The following STIM1 variants were observed in gnomAD, a reference collection of about 807,000 sequenced individuals.
STIM1 encodes stromal interaction molecule 1.
Under a neutral mutation model 74.7 loss-of-function variants are expected in STIM1, and 25 were observed. That is an observed-to-expected ratio of 0.33 (90% CI 0.24 to 0.47). The LOEUF (loss-of-function observed/expected upper bound fraction) is 0.47. STIM1 is among the 20% of genes least tolerant of loss of function. The pLI is 1.00. For missense variants in STIM1, 728 were observed against 920.8 expected (o/e 0.79, Z 2.71); for synonymous variants, 328 against 348.8 (o/e 0.94, Z 0.66).
At chr11:3,870,014 G>C (rs1200323373) in intron 1 of STIM1, among the ~76,000 whole-genome samples, 2 of 152,188 alleles carry the variant, frequency 1.3e-5, no homozygotes, top group African/African-American at 4.8e-5. Context: ...GTCAGAAGGA[G>C]GGTCAGTGCT....
chr11:3,936,930 A>C (rs1305781671), intron 1 of STIM1, among the ~76,000 whole-genome samples: 1 of 152,146 alleles, frequency 6.6e-6, no homozygotes, highest in African/African-American at 2.4e-5. Context: ...TTTTGGAAAA[A>C]TTAAAGTACA....
chr11:4,082,442 C>G (rs2094470258), intron 8 of STIM1, 91 bp downstream of exon 8: 1 of 1,326,704 alleles, frequency 7.5e-7, no homozygotes, highest in East Asian at 2.5e-5. Context: ...TCTCCCTGTT[C>G]CTCCCATTGG....
chr11:3,894,995 C>T (rs1001333314), intron 1 of STIM1, among the ~76,000 whole-genome samples: 7 of 151,850 alleles, frequency 4.6e-5, no homozygotes, highest in Non-Finnish European at 1.0e-4. Context: ...GTGATCCACC[C>T]GCTTCGGCCT....
intron 1 of STIM1, among the ~76,000 whole-genome samples, chr11:3,866,429 CTTTTT>C (rs375183049): frequency 1.5e-5 from 2 of 136,790 alleles, no homozygotes; most frequent in East Asian, 2.1e-4. Context: ...CTTGCTATGT[CTTTTT>C]TTTTTTTTTT....
At chr11:3,999,455 C>T (rs891482360) in intron 2 of STIM1, 3 of 152,188 alleles carry the variant, frequency 2.0e-5, no homozygotes, top group Non-Finnish European at 4.4e-5. Flanking sequence ...GTTAATGTGT[C>T]ATATTGTAAA....
At position 4,092,253 on chromosome 11, in the gene STIM1, T is replaced by G. The variant is rs201342497; in HGVS notation, c.*455T>G. On this transcript the variant is annotated 3_prime_UTR_variant, in exon 13 of 13. Transcript: ENST00000526596. ...GCTTCTGACATGTGTGCCTCAGATCTGTTCCACCCCACTCACAGTGGTTCT... is the reference window on the plus strand; with the variant it reads ...GCTTCTGACATGTGTGCCTCAGATCGGTTCCACCCCACTCACAGTGGTTCT... The G allele has an allele frequency of 3.8e-6, 1 of 263,904 alleles. No homozygotes were observed. Among genetic ancestry groups the G allele is most frequent in the Non-Finnish European group, 7.4e-6 (1 of 134,246 alleles). The allele number at this position is 263,904 out of a possible 1,614,324, so 16.3% of individuals were successfully genotyped here. A position where few individuals can be genotyped will look rare whatever the true frequency, so the allele number is the denominator to read the frequency against.
chr11:3,936,451 A>C lies in STIM1; in HGVS notation c.140-31101A>C, dbSNP rs967220593. On this transcript the variant is annotated intron_variant, in intron 1 of 12. Coordinates refer to ENST00000526596, the MANE Select transcript of STIM1 (RefSeq NM_001382567.1). ...GAGATAGCCATCTCAGTACCCCTAC[A>C]GTTCCAGGACCCAAAGAAGGCAGAA... Among the ~76,000 whole-genome samples the C allele has an allele frequency of 2.0e-5, 3 of 152,340 alleles. No individual in the cohort carries two copies. The East Asian group carries it at 5.8e-4, about 29-fold the overall frequency.
intron 1 of STIM1, among the ~76,000 whole-genome samples, chr11:3,943,568 G>C (rs2093036419): frequency 1.3e-5 from 2 of 152,080 alleles, no homozygotes; most frequent in African/African-American, 4.8e-5. Context: ...CTCAATATAG[G>C]TTTTTCCAAG....
At chr11:4,025,026 T>G (rs993957954) in intron 3 of STIM1, among the ~76,000 whole-genome samples, 2 of 152,144 alleles carry the variant, frequency 1.3e-5, no homozygotes, top group African/African-American at 4.8e-5. Flanking sequence ...TGGTTTTTAT[T>G]TGAGGAACCT....
chr11:4,047,851 C>T (rs902626184), intron 3 of STIM1, among the ~76,000 whole-genome samples: 2 of 147,990 alleles, frequency 1.4e-5, no homozygotes, highest in Non-Finnish European at 3.0e-5. Flanking sequence ...TGGAGTCTCA[C>T]TCTGTCACCC....
intron 2 of STIM1, among the ~76,000 whole-genome samples, chr11:3,975,550 G>A (rs1315056794): frequency 2.0e-5 from 3 of 152,146 alleles, no homozygotes; most frequent in Non-Finnish European, 4.4e-5. Context: ...GCCGGGAGGC[G>A]GAGGTTGCAG....
intron 1 of STIM1, among the ~76,000 whole-genome samples, chr11:3,950,288 C>A (rs962539210): frequency 2.0e-5 from 3 of 152,036 alleles, no homozygotes; most frequent in Non-Finnish European, 2.9e-5. Context: ...CATGCACCAC[C>A]ACGCCTGGCT....
chr11:3,964,006 G>A (rs530519361), intron 1 of STIM1, among the ~76,000 whole-genome samples: 3 of 152,316 alleles, frequency 2.0e-5, no homozygotes, highest in Admixed American at 2.0e-4. Context: ...CCTACACCAG[G>A]CCCTATGCTG....
chr11:3,869,594 C>T (rs868626786), intron 1 of STIM1, among the ~76,000 whole-genome samples: 16 of 152,184 alleles, frequency 1.1e-4, no homozygotes, highest in Non-Finnish European at 1.6e-4. Flanking sequence ...CTTTGGGGGG[C>T]AGTAGTTTAG....
chr11:4,046,371 G>A (rs142940714), intron 3 of STIM1, among the ~76,000 whole-genome samples: 3 of 152,132 alleles, frequency 2.0e-5, no homozygotes, highest in Non-Finnish European at 4.4e-5. Flanking sequence ...TAAGCTTCTA[G>A]TATCTTGTCT....
At chr11:3,919,294 C>G (rs1406418950) in intron 1 of STIM1, among the ~76,000 whole-genome samples, 2 of 152,182 alleles carry the variant, frequency 1.3e-5, no homozygotes, top group Non-Finnish European at 2.9e-5. Flanking sequence ...CAACCTCTGC[C>G]TCCCGGGTTC....
chr11:4,038,358 T>C (rs1170857135), intron 3 of STIM1, among the ~76,000 whole-genome samples: 1 of 152,028 alleles, frequency 6.6e-6, no homozygotes, highest in Non-Finnish European at 1.5e-5. Context: ...TATTATAACA[T>C]GTCACATGTA....
intron 12 of STIM1, chr11:4,088,745 A>G (rs1009056571): frequency 3.3e-6 from 5 of 1,535,634 alleles, no homozygotes; most frequent in Admixed American, 2.0e-5. Flanking sequence ...TAAGGTCAGT[A>G]GCTTGGGATG....
intron 1 of STIM1, among the ~76,000 whole-genome samples, chr11:3,944,162 T>C (rs767635955): frequency 2.0e-5 from 3 of 152,254 alleles, no homozygotes; most frequent in African/African-American, 7.2e-5. Context: ...GAAGGGGCCT[T>C]AGGCTGGGGC....
Sources: allele counts gnomAD v4.1 joint callset (sites outside exome capture counted in the v4.1 genomes callset), GRCh38; gene constraint gnomAD v4.1.1; transcripts MANE v1.5; gene names NCBI Gene and HGNC (gene_info 2026-07-23, HGNC 2026-07-21).